The following LOC128092252 variants were observed in gnomAD, a reference collection of about 807,000 sequenced individuals.
chr15:50,684,100 C>T, the LOC128092252 span, among the ~76,000 whole-genome samples: 1 of 151,754 alleles, frequency 6.6e-6, no homozygotes, highest in South Asian at 2.1e-4. Flanking sequence ...GATCCGGGAT[C>T]AGCCTGTCGC....
At chr15:50,679,514 ATATATATATATATAT>A in the LOC128092252 span, among the ~76,000 whole-genome samples, 4 of 89,576 alleles carry the variant, frequency 4.5e-5, no homozygotes, top group South Asian at 1.2e-3. Context: ...TATATATAAT[ATATATATATATATAT>A]ATATATATAT....
chr15:50,665,345 G>C, the LOC128092252 span, among the ~76,000 whole-genome samples: 2 of 150,146 alleles, frequency 1.3e-5, no homozygotes, highest in Non-Finnish European at 2.9e-5. Flanking sequence ...AGTGAGCCAA[G>C]ATCATGCCAC....
chr15:50,651,992 T>C, the LOC128092252 span, among the ~76,000 whole-genome samples: 1 of 151,662 alleles, frequency 6.6e-6, no homozygotes, highest in South Asian at 2.1e-4. Context: ...AAACTAAAAA[T>C]AACAGCAAAT....
the LOC128092252 span, among the ~76,000 whole-genome samples, chr15:50,673,404 T>G: frequency 6.6e-6 from 1 of 152,134 alleles, no homozygotes; most frequent in Non-Finnish European, 1.5e-5. Flanking sequence ...TTTGTAGTCT[T>G]TTATCCCTGA....
chr15:50,657,721 C>A, the LOC128092252 span: 1 of 1,437,922 alleles, frequency 7.0e-7, no homozygotes, highest in Non-Finnish European at 9.7e-7. Context: ...ACTCATATTT[C>A]TAATAGATTA....
the LOC128092252 span, chr15:50,662,890 G>A: frequency 8.7e-6 from 9 of 1,032,540 alleles, no homozygotes; most frequent in East Asian, 2.5e-5. Flanking sequence ...AGTGGTTTTT[G>A]TTTCCAATAA....
chr15:50,677,541 C>A, the LOC128092252 span, among the ~76,000 whole-genome samples: 29 of 151,634 alleles, frequency 1.9e-4, no homozygotes, highest in African/African-American at 6.8e-4. Context: ...AAGTTTGAGA[C>A]CAGCCTGACC....
chr15:50,670,945 G>T, the LOC128092252 span, among the ~76,000 whole-genome samples: 1,200 of 152,194 alleles, frequency 7.9e-3, 20 homozygotes, highest in African/African-American at 0.028. Context: ...AGGCCAATGG[G>T]GGCAGATTGC....
the LOC128092252 span, among the ~76,000 whole-genome samples, chr15:50,678,518 AT>A: frequency 0.24 from 28,143 of 116,976 alleles, 3,193 homozygotes; most frequent in East Asian, 0.46. Context: ...AAAAAAAAAA[AT>A]ATATATATAT....
At chr15:50,681,446 A>G in the LOC128092252 span, among the ~76,000 whole-genome samples, 4 of 152,344 alleles carry the variant, frequency 2.6e-5, no homozygotes, top group South Asian at 4.1e-4. Context: ...TTCATATAGT[A>G]AAGGCTAATG....
the LOC128092252 span, among the ~76,000 whole-genome samples, chr15:50,656,269 G>C: frequency 6.6e-6 from 1 of 151,898 alleles, no homozygotes; most frequent in Admixed American, 6.6e-5. Context: ...GTTAAGTACA[G>C]GGGCAAATAT....
the LOC128092252 span, chr15:50,686,620 G>C: frequency 3.2e-6 from 5 of 1,560,572 alleles, no homozygotes; most frequent in East Asian, 2.4e-5. Flanking sequence ...AAGCGTCTCC[G>C]GAGGCGGCAG....
At chr15:50,665,663 G>A in the LOC128092252 span, among the ~76,000 whole-genome samples, 1 of 152,136 alleles carries the variant, frequency 6.6e-6, no homozygotes, top group Non-Finnish European at 1.5e-5. Context: ...AATGGTGCAT[G>A]TATAGGAAAA....
At chr15:50,661,349 C>A in the LOC128092252 span, among the ~76,000 whole-genome samples, 1 of 152,092 alleles carries the variant, frequency 6.6e-6, no homozygotes, top group East Asian at 1.9e-4. Context: ...GAATGTAGCA[C>A]TACTTTAAAA....
the LOC128092252 span, among the ~76,000 whole-genome samples, chr15:50,652,328 C>CAAAAAAAAA: frequency 1.1e-3 from 39 of 34,230 alleles, 2 homozygotes; most frequent in East Asian, 3.0e-3. Context: ...GACTCCATCT[C>CAAAAAAAAA]AAAAAAAAAA....
the LOC128092252 span, among the ~76,000 whole-genome samples, chr15:50,667,813 C>A: frequency 6.6e-6 from 1 of 152,132 alleles, no homozygotes; most frequent in Non-Finnish European, 1.5e-5. Flanking sequence ...ATGCACTAGT[C>A]CAACAGTGAA....
the LOC128092252 span, among the ~76,000 whole-genome samples, chr15:50,671,934 TATACAA>T: frequency 6.6e-6 from 1 of 152,202 alleles, no homozygotes; most frequent in Non-Finnish European, 1.5e-5. Context: ...AAGTATGGCA[TATACAA>T]CTATGTACAG....
chr15:50,671,386 T>C, the LOC128092252 span, among the ~76,000 whole-genome samples: 4 of 152,182 alleles, frequency 2.6e-5, no homozygotes, highest in East Asian at 7.7e-4. Context: ...AAAACAGAAT[T>C]TCCTTCTTTA....
chr15:50,650,305 C>T, the LOC128092252 span, among the ~76,000 whole-genome samples: 1 of 150,910 alleles, frequency 6.6e-6, no homozygotes, highest in South Asian at 2.1e-4. Flanking sequence ...GCAGGGAACA[C>T]TTTATGTTCC....
Sources: gnomAD v4.1 joint callset for allele counts (sites outside exome capture counted in the v4.1 genomes callset) on GRCh38, gnomAD v4.1.1 for gene constraint, MANE v1.5 for transcripts.